The following VRK2 variants were observed in gnomAD, a reference collection of about 807,000 sequenced individuals.
VRK2 encodes VRK serine/threonine kinase 2.
A neutral mutation model predicts 57.6 loss-of-function variants in VRK2; 60 were observed. The ratio of observed to expected loss-of-function variants is 1.04; its 90% CI spans 0.85 to 1.29. VRK2 has a LOEUF of 1.29. Among genes scored for constraint, VRK2 ranks in the 50% most tolerant of loss-of-function variants. VRK2 has a pLI of 0.00. For synonymous variants in VRK2, 231 were observed against 199.2 expected (o/e 1.16, Z -1.35); for missense variants, 705 against 588.1 (o/e 1.20, Z -2.06).
intron 1 of VRK2, among the ~76,000 whole-genome samples, chr2:57,948,477 T>C (rs1198907196): frequency 3.3e-5 from 5 of 152,188 alleles, no homozygotes; most frequent in Non-Finnish European, 7.4e-5. Context: ...TCTGCAGGCA[T>C]GTATATTTAG....
chr2:58,156,891 T>C (rs561722217), intron 12 of VRK2, among the ~76,000 whole-genome samples: 17 of 152,310 alleles, frequency 1.1e-4, no homozygotes, highest in Admixed American at 2.0e-4. Context: ...TTCCTGCATC[T>C]CATTTGTAGT....
At chr2:57,956,984 T>C (rs577120912) in intron 1 of VRK2, among the ~76,000 whole-genome samples, 3 of 152,278 alleles carry the variant, frequency 2.0e-5, no homozygotes, top group Non-Finnish European at 2.9e-5. Flanking sequence ...GATGATCATA[T>C]ACTTTATACT....
upstream of VRK2, among the ~76,000 whole-genome samples, chr2:58,044,316 G>A (rs150780141): frequency 2.8e-4 from 42 of 152,142 alleles, 1 homozygote; most frequent in East Asian, 1.7e-3. Context: ...TTTTCACCTC[G>A]TTACCTAGAC....
chr2:57,960,349 CTT>C (rs1222376207), intron 1 of VRK2, among the ~76,000 whole-genome samples: 1 of 152,150 alleles, frequency 6.6e-6, no homozygotes, highest in African/African-American at 2.4e-5. Context: ...CATCATCAGT[CTT>C]TTCTCCTAAT....
intron 1 of VRK2, among the ~76,000 whole-genome samples, chr2:58,002,199 G>T (rs1462693257): frequency 6.6e-6 from 1 of 152,182 alleles, no homozygotes; most frequent in Non-Finnish European, 1.5e-5. Context: ...TAAAAGTAAA[G>T]GCTGGGCGTG....
intron 7 of VRK2, among the ~76,000 whole-genome samples, chr2:58,116,230 C>T (rs1676455024): frequency 6.6e-6 from 1 of 151,674 alleles, no homozygotes; most frequent in African/African-American, 2.4e-5. Flanking sequence ...TGATCGGTCG[C>T]CAAGGAGGGA....
intron 1 of VRK2, among the ~76,000 whole-genome samples, chr2:57,939,971 A>T (rs1188996813): frequency 1.3e-5 from 2 of 152,200 alleles, no homozygotes; most frequent in Non-Finnish European, 2.9e-5. Flanking sequence ...TTGAGATTGT[A>T]CCTTTTTTAA....
chr2:57,909,458 G>C (rs1350749181), intron 1 of VRK2, among the ~76,000 whole-genome samples: 3 of 125,688 alleles, frequency 2.4e-5, no homozygotes, highest in Non-Finnish European at 5.2e-5. Flanking sequence ...TTCAGCCTGA[G>C]TGTATGTGTG....
At chr2:57,920,261 G>C (rs1012473377) in intron 1 of VRK2, among the ~76,000 whole-genome samples, 1 of 152,086 alleles carries the variant, frequency 6.6e-6, no homozygotes, top group Non-Finnish European at 1.5e-5. Context: ...AGAGCACAAT[G>C]TCTGGATGCC....
intron 7 of VRK2, among the ~76,000 whole-genome samples, chr2:58,116,917 C>G (rs1416377411): frequency 6.6e-6 from 1 of 152,130 alleles, no homozygotes; most frequent in Admixed American, 6.5e-5. Flanking sequence ...CGCCTGGCTG[C>G]TGCGGTTCAG....
intron 1 of VRK2, among the ~76,000 whole-genome samples, chr2:58,025,291 A>G (rs149403584): frequency 1.4e-4 from 21 of 152,022 alleles, no homozygotes; most frequent in African/African-American, 4.3e-4. Flanking sequence ...CTATTAGTTA[A>G]TATCTATAAA....
At chr2:58,002,456 C>G (rs1334590423) in intron 1 of VRK2, among the ~76,000 whole-genome samples, 2 of 151,806 alleles carry the variant, frequency 1.3e-5, no homozygotes, top group Non-Finnish European at 1.5e-5. Context: ...GCTTGGGCAA[C>G]AAGAGCGAAA....
At chr2:58,152,965 C>G (rs1393407681) in intron 12 of VRK2, among the ~76,000 whole-genome samples, 1 of 151,810 alleles carries the variant, frequency 6.6e-6, no homozygotes, top group Admixed American at 6.6e-5. Context: ...GTCTGTGTTC[C>G]TTAGATATTT....
chr2:58,075,754 A>T (rs1429107841), intron 2 of VRK2, among the ~76,000 whole-genome samples: 1 of 151,916 alleles, frequency 6.6e-6, no homozygotes, highest in Non-Finnish European at 1.5e-5. Flanking sequence ...TGGAGTGGTT[A>T]TTTTTCTTCT....
intron 10 of VRK2, among the ~76,000 whole-genome samples, chr2:58,137,156 T>TTATATATATCATATATATATCA (rs1382902188): frequency 3.3e-4 from 8 of 24,442 alleles, no homozygotes; most frequent in African/African-American, 9.9e-4. Flanking sequence ...TATCATGTGT[T>TTATATATATCATATATATATCA]TATATATATC....
At chr2:58,073,662 A>ATATTTG (rs1272324974) in intron 2 of VRK2, among the ~76,000 whole-genome samples, 3 of 146,546 alleles carry the variant, frequency 2.0e-5, no homozygotes, top group Non-Finnish European at 4.5e-5. Context: ...ATTTATATTT[A>ATATTTG]TATTTATATT....
At chr2:58,157,455 G>C (rs1224643300) in intron 12 of VRK2, among the ~76,000 whole-genome samples, 3 of 152,218 alleles carry the variant, frequency 2.0e-5, no homozygotes, top group Non-Finnish European at 4.4e-5. Context: ...CCTCCTAGCT[G>C]TAACAACCCA....
chr2:58,113,606 G>A (rs1446933691), intron 7 of VRK2, among the ~76,000 whole-genome samples: 1 of 152,126 alleles, frequency 6.6e-6, no homozygotes, highest in East Asian at 1.9e-4. Flanking sequence ...AGTCAAAGGG[G>A]GTTGTTCTCT....
intron 1 of VRK2, among the ~76,000 whole-genome samples, chr2:58,022,667 G>A (rs1308646458): frequency 6.6e-6 from 1 of 152,186 alleles, no homozygotes; most frequent in African/African-American, 2.4e-5. Flanking sequence ...CTTGAGCAGA[G>A]GAGTTTGAGA....
Sources: allele counts gnomAD v4.1 joint callset (sites outside exome capture counted in the v4.1 genomes callset), GRCh38; gene constraint gnomAD v4.1.1; transcripts MANE v1.5; gene names NCBI Gene and HGNC (gene_info 2026-07-23, HGNC 2026-07-21).